The following DMBT1 variants were observed in gnomAD, a reference collection of about 807,000 sequenced individuals.
The protein encoded by DMBT1 is deleted in malignant brain tumors 1, also known as scavenger receptor cysteine-rich domain-containing protein DMBT1.
A neutral mutation model predicts 252.9 loss-of-function variants in DMBT1; 198 were observed. The observed-to-expected ratio is 0.78, with a 90% confidence interval of 0.70 to 0.88. DMBT1 has a LOEUF of 0.88. DMBT1 is among the 40% of genes least tolerant of loss of function. The pLI is 0.00. For synonymous variants in DMBT1, 990 were observed against 942.7 expected (o/e 1.05, Z -0.92); for missense variants, 2,432 against 2,404.7 (o/e 1.01, Z -0.24).
In DMBT1 at chr10:122,643,551, T is replaced by G; in HGVS notation, c.*153T>G. The G allele has an allele frequency of 8.8e-7, 1 of 1,139,486 alleles. No homozygotes were observed. The highest frequency in any genetic ancestry group is 1.2e-6 in the Non-Finnish European group (1 of 824,262). The allele number at this position is 1,139,486 out of a possible 1,614,324, so 70.6% of individuals were successfully genotyped here. On this transcript the variant is annotated 3_prime_UTR_variant, in exon 56 of 56. Coordinates refer to ENST00000338354, the MANE Select transcript of DMBT1 (RefSeq NM_001377530.1). ...AGTTGAATCAGACCTGGTTCCCGCC[T>G]CCCCCAAGGCTCATGGTCCTTGGAG...
At chr10:122,641,587 A>G (rs1844539885) in intron 55 of DMBT1, among the ~76,000 whole-genome samples, 1 of 152,160 alleles carries the variant, frequency 6.6e-6, no homozygotes, top group South Asian at 2.1e-4. Flanking sequence ...GGTGGCTGAG[A>G]GGAGGGGAGA....
At chr10:122,577,718 C>T (rs1251878072) in intron 7 of DMBT1, 93 bp from the exon 8 acceptor site, 29 of 1,466,418 alleles carry the variant, frequency 2.0e-5, no homozygotes, top group African/African-American at 6.9e-5. Flanking sequence ...TGGGCATCAG[C>T]TCAGGGTGTA....
At chr10:122,578,829 C>A (rs1421617116) in intron 9 of DMBT1, 70 bp downstream of exon 9, 9 of 1,433,024 alleles carry the variant, frequency 6.3e-6, no homozygotes, top group Non-Finnish European at 8.7e-6. Context: ...TTTCATAGTT[C>A]ACTTATGATT....
chr10:122,622,189 G>C (rs1274288527), intron 44 of DMBT1, among the ~76,000 whole-genome samples: 1 of 152,204 alleles, frequency 6.6e-6, no homozygotes, highest in Admixed American at 6.5e-5. Flanking sequence ...CTTATAAGGA[G>C]CGTCTTTGAA....
intron 41 of DMBT1, among the ~76,000 whole-genome samples, chr10:122,618,644 G>A (rs1163633498): frequency 6.6e-6 from 1 of 152,212 alleles, no homozygotes; most frequent in Non-Finnish European, 1.5e-5. Flanking sequence ...CTTCCCTGCT[G>A]AGTAGCACTG....
Position 122,598,018 on chromosome 10 carries a change from T to C in DMBT1, c.2956+6T>C. 6.2e-7 allele frequency: 1 copy of C among 1,613,884 alleles called. No individual in the cohort carries two copies. The highest frequency in any genetic ancestry group is 8.5e-7 in the Non-Finnish European group (1 of 1,179,844). ...CTTGCCTGCATCGACAGTAGGTAAA[T>C]ATTCCTCTCGCCCCTCCCTAGGGCT... On this transcript the variant is annotated splice_donor_region_variant and intron_variant, in intron 25 of 55. Transcript: ENST00000338354.
At chr10:122,597,527 G>T (rs892029249) in intron 24 of DMBT1, among the ~76,000 whole-genome samples, 1 of 152,212 alleles carries the variant, frequency 6.6e-6, no homozygotes, top group Non-Finnish European at 1.5e-5. Flanking sequence ...AGGGCTACAT[G>T]TGCATCCAGA....
At position 122,643,607 on chromosome 10, in the gene DMBT1, C is replaced by T. The variant is rs1052759; in HGVS notation, c.*209C>T. Reference sequence around the variant, plus strand: ...GTTGCAGGGTGAGGTCAAGAGAGTTCTGACCTGGATGGCCCATAGACCTGA... The same window carrying T: ...GTTGCAGGGTGAGGTCAAGAGAGTTTTGACCTGGATGGCCCATAGACCTGA... On this transcript the variant is annotated 3_prime_UTR_variant, in exon 56 of 56. Transcript: ENST00000338354. 1 of 677,094 alleles carries T rather than the reference C, an allele frequency of 1.5e-6. No homozygotes were observed. Among genetic ancestry groups the T allele is most frequent in the Non-Finnish European group, 2.4e-6 (1 of 411,052 alleles). 41.9% of individuals were successfully genotyped at this position (677,094 alleles called of 1,614,324 possible). A position where few individuals can be genotyped will look rare whatever the true frequency, so the allele number is the denominator to read the frequency against.
At chr10:122,590,532 T>C (rs1591341658) in intron 17 of DMBT1, 133 bp from the exon 18 acceptor site, 1 of 1,148,886 alleles carries the variant, frequency 8.7e-7, no homozygotes, top group East Asian at 2.5e-5. Flanking sequence ...GGGACGTGCA[T>C]GGCAATGCCC....
chr10:122,619,389 A>T (rs1022516462), intron 42 of DMBT1, 52 bp downstream of exon 42: 7 of 1,610,502 alleles, frequency 4.3e-6, no homozygotes, highest in Non-Finnish European at 5.9e-6. Context: ...CTGCCCAGTT[A>T]CCTCTTCCCC....
At chr10:122,620,328 T>C (rs2098052321) in intron 43 of DMBT1, 37 bp downstream of exon 43, 10 of 1,609,050 alleles carry the variant, frequency 6.2e-6, no homozygotes, top group Admixed American at 3.3e-5. Flanking sequence ...GGGCTCACTC[T>C]CTACCTCTGG....
chr10:122,576,403 T>A lies in DMBT1; in HGVS notation c.288T>A (p.Ser96=). 6.2e-7 allele frequency: 1 copy of A among 1,613,766 alleles called. No homozygotes were observed. The highest frequency in any genetic ancestry group is 8.5e-7 in the Non-Finnish European group (1 of 1,179,730). ...STLESTVAEG[S]DSGLALRLVN... is the part of the protein sequence containing the mutation. ...AAATTCTGTGCCTTCCTCTAGGATC[T>A]GATTCTGGTTTGGCCCTGAGGCTGG... Residue 96 remains serine, a synonymous_variant, in exon 7 of 56, where the codon TCT becomes TCA. Coordinates refer to ENST00000338354, the MANE Select transcript of DMBT1 (RefSeq NM_001377530.1).
chr10:122,631,092 T>G lies in DMBT1; in HGVS notation c.6157T>G (p.Cys2053Gly). The change falls in exon 49 of 56, where the codon TGC becomes GGC. Residue 2053 changes from cysteine (C) to glycine (G), a missense_variant. Physicochemically the swap from Cys to Gly is radical, Grantham distance 159. Coordinates refer to ENST00000338354, the MANE Select transcript of DMBT1 (RefSeq NM_001377530.1). ...GACCATTCAGGAAGCTGAGGTGGTC[T>G]GCAGACAGCTAGGGTGTGGACGTGC... ...SWTIQEAEVV[C>G]RQLGCGRAVS... is the part of the protein sequence containing the mutation. 6.2e-7 allele frequency: 1 copy of G among 1,614,022 alleles called. No individual in the cohort carries two copies. Among genetic ancestry groups the G allele is most frequent in the Non-Finnish European group, 8.5e-7 (1 of 1,179,898 alleles).
chr10:122,576,513 C>T lies in DMBT1; in HGVS notation c.398C>T (p.Thr133Ile), dbSNP rs772836684. 2.2e-5 allele frequency: 36 copies of T among 1,613,842 alleles called. No homozygotes were observed. The highest frequency in any genetic ancestry group is 3.3e-5 in the Admixed American group (2 of 60,000). The change falls in exon 7 of 56, where the codon ACC becomes ATC. Residue 133 changes from threonine (T) to isoleucine (I), a missense_variant. Thr to Ile is a moderately conservative substitution (Grantham distance 89). Transcript: ENST00000338354. ...ACCGTGTGTGATGACAGCTGGGACA[C>T]CAATGATGCCAACGTGGTCTGTAGG... Reference protein sequence around the residue: ...WGTVCDDSWDTNDANVVCRQL... With the variant: ...WGTVCDDSWDINDANVVCRQL...
intron 2 of DMBT1, among the ~76,000 whole-genome samples, chr10:122,567,619 G>C (rs370881933): frequency 3.9e-5 from 6 of 152,310 alleles, no homozygotes; most frequent in African/African-American, 1.4e-4. Flanking sequence ...GGCTCCTACT[G>C]TCAGGACGGT....
At chr10:122,572,184 G>A in intron 4 of DMBT1, 130 bp from the exon 5 acceptor site, 1 of 1,278,036 alleles carries the variant, frequency 7.8e-7, no homozygotes, top group Non-Finnish European at 1.1e-6. Context: ...CACATGGTTG[G>A]CTTTTAGCAA....
At chr10:122,567,124 C>T (rs1422855319) in intron 2 of DMBT1, among the ~76,000 whole-genome samples, 1 of 152,240 alleles carries the variant, frequency 6.6e-6, no homozygotes, top group African/African-American at 2.4e-5. Flanking sequence ...GTCAGTCCCT[C>T]CCCTTCCAGG....
intron 4 of DMBT1, among the ~76,000 whole-genome samples, chr10:122,572,002 G>C (rs2097668362): frequency 6.6e-6 from 1 of 152,216 alleles, no homozygotes; most frequent in African/African-American, 2.4e-5. Flanking sequence ...GAAACAGCCA[G>C]ATGTCATTTG....
In DMBT1 at chr10:122,625,903, A is replaced by G. The variant is rs760170517; in HGVS notation, c.5636-30A>G. The G allele has an allele frequency of 2.5e-6, 4 of 1,594,032 alleles. No homozygotes were observed. The African/African-American group carries it at 5.4e-5, about 21-fold the overall frequency. On this transcript the variant is annotated intron_variant, in intron 45 of 55. Transcript: ENST00000338354. ...ATGGAATGGAAAAATTATCTACTAA[A>G]ATCCTAAACAGCTTCATTTTTTTTT... is the stretch of plus-strand genomic sequence containing the variant.
Sources: allele counts gnomAD v4.1 joint callset (sites outside exome capture counted in the v4.1 genomes callset), GRCh38; gene constraint gnomAD v4.1.1; transcripts MANE v1.5; gene names NCBI Gene and HGNC (gene_info 2026-07-23, HGNC 2026-07-21).